The following PSMA6 variants were observed in gnomAD, a reference collection of about 807,000 sequenced individuals.
PSMA6 encodes the protein proteasome subunit alpha type-6.
For missense variants in PSMA6, 170 were observed against 294.8 expected, an observed-to-expected ratio of 0.58 and a Z score of 3.10; for synonymous variants, 88 against 97.7, an observed-to-expected ratio of 0.90 and a Z score of 0.59.
intron 1 of PSMA6, among the ~76,000 whole-genome samples, chr14:35,299,601 C>T (rs544832606): frequency 2.6e-5 from 4 of 151,762 alleles, no homozygotes; most frequent in African/African-American, 4.8e-5. Flanking sequence ...GGATTACAGG[C>T]GTGAGCCACC....
At position 35,312,862 on chromosome 14, in the gene PSMA6, G is replaced by A. The variant is rs2051971215; in HGVS notation, c.410-19G>A. ...TGTATAAAGCTAAAACATTTAATTA[G>A]GGTCTTTTCTCTTTTTAGGTATGAT... On this transcript the variant is annotated intron_variant, in intron 4 of 6. Transcript: ENST00000261479. The A allele has an allele frequency of 7.7e-6, 12 of 1,558,268 alleles. No homozygotes were observed. Among genetic ancestry groups the A allele is most frequent in the Non-Finnish European group, 1.0e-5 (12 of 1,159,630 alleles).
chr14:35,313,237 A>G (rs942325210), intron 5 of PSMA6, 178 bp downstream of exon 5: 1 of 551,180 alleles, frequency 1.8e-6, no homozygotes. Flanking sequence ...TTATTCACTT[A>G]ATTCCTTATT....
intron 1 of PSMA6, among the ~76,000 whole-genome samples, chr14:35,304,059 A>G (rs1594386469): frequency 6.6e-6 from 1 of 151,394 alleles, no homozygotes; most frequent in African/African-American, 2.4e-5. Flanking sequence ...TGCAACCTCC[A>G]CCTCCCAGGT....
At chr14:35,303,417 C>G (rs2051758491) in intron 1 of PSMA6, among the ~76,000 whole-genome samples, 1 of 152,152 alleles carries the variant, frequency 6.6e-6, no homozygotes, top group Non-Finnish European at 1.5e-5. Context: ...TATTGTTACC[C>G]CAAACTGTTC....
chr14:35,292,828 G>A, intron 1 of PSMA6: 1 of 553,098 alleles, frequency 1.8e-6, no homozygotes, highest in Non-Finnish European at 3.3e-6. Context: ...CCTGACTCCG[G>A]CTTCGTGAGG....
chr14:35,300,718 T>A (rs2051694804), intron 1 of PSMA6, among the ~76,000 whole-genome samples: 1 of 152,198 alleles, frequency 6.6e-6, no homozygotes, highest in Non-Finnish European at 1.5e-5. Flanking sequence ...TTTGTCAGTC[T>A]TGTTTTCTCC....
chr14:35,291,564 C>CTG (rs1051963622), upstream of PSMA6, among the ~76,000 whole-genome samples: 10 of 151,580 alleles, frequency 6.6e-5, no homozygotes, highest in African/African-American at 2.4e-4. Flanking sequence ...TGGCTCAAGC[C>CTG]TGTAATCCCA....
chr14:35,291,078 A>T (rs1019160806), upstream of PSMA6, among the ~76,000 whole-genome samples: 3 of 144,204 alleles, frequency 2.1e-5, no homozygotes, highest in Non-Finnish European at 4.5e-5. Context: ...TGCAACCTGG[A>T]TCTCCTGGGC....
At chr14:35,291,823 C>T (rs1398744613), upstream of PSMA6, among the ~76,000 whole-genome samples, 1 of 47,746 alleles carries the variant, frequency 2.1e-5, no homozygotes. Context: ...AACTCTGTCT[C>T]AAAAAAAAAA....
intron 1 of PSMA6, among the ~76,000 whole-genome samples, chr14:35,299,872 ATAG>A (rs1267276798): frequency 6.6e-6 from 1 of 152,180 alleles, no homozygotes; most frequent in Admixed American, 6.6e-5. Context: ...TGAGTACTAA[ATAG>A]TATAAAAAAG....
intron 1 of PSMA6, among the ~76,000 whole-genome samples, chr14:35,285,662 C>T (rs920770535): frequency 1.3e-5 from 2 of 152,232 alleles, no homozygotes; most frequent in African/African-American, 4.8e-5. Flanking sequence ...GTTCTTGACT[C>T]ACTTTCTTAG....
intron 1 of PSMA6, among the ~76,000 whole-genome samples, chr14:35,280,531 GCCACCATGC>G (rs2051355452): frequency 6.8e-6 from 1 of 146,016 alleles, no homozygotes; most frequent in African/African-American, 2.5e-5. Context: ...ACAGGCACGT[GCCACCATGC>G]CCACCTAATT....
intron 6 of PSMA6, chr14:35,314,658 T>C: frequency 2.1e-6 from 1 of 481,584 alleles, no homozygotes; most frequent in Non-Finnish European, 3.1e-6. Flanking sequence ...CTTTTCTCCT[T>C]ATTTCAGAGT....
At chr14:35,316,997 A>G (rs770858425) in intron 6 of PSMA6, 1 of 354,580 alleles carries the variant, frequency 2.8e-6, no homozygotes, top group South Asian at 8.0e-5. Flanking sequence ...TTTTCAAGAT[A>G]CAATTCTAAA....
At chr14:35,292,289 CT>C, upstream of PSMA6, 1 of 1,415,662 alleles carries the variant, frequency 7.1e-7, no homozygotes, top group African/African-American at 1.5e-5. Context: ...CCACCACCCC[CT>C]TAGGGGGCGG....
In PSMA6 at chr14:35,295,448, C is replaced by CTT. The variant is rs762364057; in HGVS notation, c.76+2909_76+2910dup. ...CAGGGAGTGGAGAGAAAGACTTTTTCTTTTTTTTTTTTTTCCCTTTGAGAC... is the reference window on the plus strand; with the variant it reads ...CAGGGAGTGGAGAGAAAGACTTTTTCTTTTTTTTTTTTTTTTCCCTTTGAGAC... On this transcript the variant is annotated intron_variant, in intron 1 of 6. Transcript: ENST00000261479. 8.3e-3 allele frequency among the ~76,000 whole-genome samples: 1,166 copies of CTT among 140,718 alleles called. 23 individuals are homozygous for CTT. The highest frequency in any genetic ancestry group is 0.028 in the African/African-American group (1,076 of 38,882). 92.3% of individuals were successfully genotyped at this position (140,718 alleles called of 152,430 possible).
intron 1 of PSMA6, among the ~76,000 whole-genome samples, chr14:35,306,944 C>T (rs2051838951): frequency 1.3e-5 from 2 of 152,034 alleles, no homozygotes; most frequent in African/African-American, 2.4e-5. Flanking sequence ...GTCAGGAGTT[C>T]GGCACCAGCC....
chr14:35,288,406 A>G (rs1594374446), upstream of PSMA6, among the ~76,000 whole-genome samples: 1 of 152,180 alleles, frequency 6.6e-6, no homozygotes, highest in East Asian at 1.9e-4. Flanking sequence ...GCTGAGGCAC[A>G]AGAATCACTT....
Position 35,317,480 on chromosome 14 carries a change from T to C in PSMA6, c.*174T>C. On this transcript the variant is annotated 3_prime_UTR_variant, in exon 7 of 7. Coordinates refer to ENST00000261479, the MANE Select transcript of PSMA6 (RefSeq NM_002791.3). ...ACAAGGCTTTTGGAAAATAATTGCA[T>C]CCTGTTGTTTTCACCTCCTATTTTA... The C allele has an allele frequency of 1.8e-6, 1 of 541,762 alleles. No individual in the cohort carries two copies. The highest frequency in any genetic ancestry group is 3.3e-6 in the Non-Finnish European group (1 of 306,232). 33.6% of individuals were successfully genotyped at this position (541,762 alleles called of 1,614,324 possible). A position where few individuals can be genotyped will look rare whatever the true frequency, so the allele number is the denominator to read the frequency against.
Sources: allele counts gnomAD v4.1 joint callset (sites outside exome capture counted in the v4.1 genomes callset), GRCh38; gene constraint gnomAD v4.1.1; transcripts MANE v1.5; gene names NCBI Gene and HGNC (gene_info 2026-07-23, HGNC 2026-07-21).